Variants in SYT13 observed in about 807,000 individuals in gnomAD.
SYT13 encodes synaptotagmin-13.
A neutral mutation model predicts 38.6 loss-of-function variants in SYT13; 21 were observed. That is an observed-to-expected ratio of 0.54 (90% CI 0.39 to 0.78). The LOEUF (loss-of-function observed/expected upper bound fraction) is 0.78. Ranked by LOEUF, SYT13 falls within the 30% of genes least tolerant of loss-of-function variation. The pLI is 0.00. For missense variants in SYT13, 495 were observed against 548.7 expected (o/e 0.90, Z 0.98); for synonymous variants, 241 against 237.6 (o/e 1.01, Z -0.13).
Position 45,277,920 on chromosome 11 carries a change from G to C in SYT13, c.183+8105C>G, listed in dbSNP as rs148906300. On this transcript the variant is annotated intron_variant, in intron 1 of 5. Coordinates refer to ENST00000020926, the MANE Select transcript of SYT13 (RefSeq NM_020826.3). ...TTTGCCCCATTATACCATAAGCTTTGTGAGAGCTGAAGATGGGTCACTGTG... is the reference window on the plus strand; with the variant it reads ...TTTGCCCCATTATACCATAAGCTTTCTGAGAGCTGAAGATGGGTCACTGTG... Among the ~76,000 whole-genome samples, 374 of 152,270 alleles carry C rather than the reference G, an allele frequency of 2.5e-3. 2 individuals are homozygous for C. Among genetic ancestry groups the C allele is most frequent in the African/African-American group, 8.8e-3 (365 of 41,542 alleles).
rs1292692267 is a variant in SYT13, at chr11:45,244,330, G to C, written c.1003C>G (p.His335Asp). 3 of 1,613,594 alleles carry C rather than the reference G, an allele frequency of 1.9e-6. No homozygotes were observed. The Admixed American group carries it at 5.0e-5, about 27-fold the overall frequency. ...KDVSVKVTLK[H>D]QARKLKKKQT... The stretch of plus-strand genomic sequence containing the variant: ...TTCTTCTTCAGCTTCCGAGCCTGGT[G>C]CTTCAAGGTCACCTTGACAGAGACA... Residue 335 changes from histidine (H) to aspartate (D), a missense_variant, in exon 6 of 6, where the codon CAC (histidine) becomes GAC (aspartate). His to Asp is a moderately conservative substitution (Grantham distance 81, BLOSUM62 -1). Coordinates refer to ENST00000020926, the MANE Select transcript of SYT13 (RefSeq NM_020826.3).
intron 1 of SYT13, among the ~76,000 whole-genome samples, chr11:45,266,503 T>C (rs1590522961): frequency 1.4e-5 from 2 of 147,284 alleles, no homozygotes; most frequent in African/African-American, 2.5e-5. Flanking sequence ...CCCTCTCAAA[T>C]ACACACACAC....
chr11:45,243,857 T>C lies in SYT13; in HGVS notation c.*195A>G, dbSNP rs1051018816. The C allele has an allele frequency of 5.0e-6, 3 of 603,632 alleles. No homozygotes were observed. Among genetic ancestry groups the C allele is most frequent in the Non-Finnish European group, 5.7e-6 (2 of 348,428 alleles). The allele number at this position is 603,632 out of a possible 1,614,324, so 37.4% of individuals were successfully genotyped here. On this transcript the variant is annotated 3_prime_UTR_variant, in exon 6 of 6. Transcript: ENST00000020926. Reference sequence around the variant, plus strand: ...CAGATGAGCAAAATGCATTCCTCAGTGTGACCCGCATATTCCATTTCCTGC... The same window carrying C: ...CAGATGAGCAAAATGCATTCCTCAGCGTGACCCGCATATTCCATTTCCTGC...
At chr11:45,268,924 G>A (rs981838716) in intron 1 of SYT13, among the ~76,000 whole-genome samples, 5 of 152,142 alleles carry the variant, frequency 3.3e-5, no homozygotes, top group Admixed American at 6.6e-5. Flanking sequence ...CTACCCCGAC[G>A]CACAGTCTGT....
intron 3 of SYT13, 137 bp downstream of exon 3, chr11:45,254,133 C>T (rs1264348653): frequency 1.0e-6 from 1 of 958,418 alleles, no homozygotes; most frequent in Non-Finnish European, 1.4e-6. Context: ...TGTCTAAGCT[C>T]CATGTGTTCC....
At chr11:45,248,914 G>A (rs1369977535) in intron 4 of SYT13, among the ~76,000 whole-genome samples, 3 of 152,216 alleles carry the variant, frequency 2.0e-5, no homozygotes, top group Non-Finnish European at 2.9e-5. Context: ...AGTACCTGCA[G>A]ACTAAAGTAA....
At chr11:45,254,672 C>T in intron 2 of SYT13, 1 of 359,554 alleles carries the variant, frequency 2.8e-6, no homozygotes, top group South Asian at 7.7e-5. Flanking sequence ...TATGTTTTGT[C>T]TTTCTAAAAC....
chr11:45,279,919 G>T (rs1855052087), intron 1 of SYT13, among the ~76,000 whole-genome samples: 1 of 152,104 alleles, frequency 6.6e-6, no homozygotes, highest in Non-Finnish European at 1.5e-5. Context: ...AAAACAACCT[G>T]CACTGGAGAA....
chr11:45,275,966 C>A (rs763657664), intron 1 of SYT13, among the ~76,000 whole-genome samples: 1 of 152,170 alleles, frequency 6.6e-6, no homozygotes, highest in Non-Finnish European at 1.5e-5. Flanking sequence ...ATTCCTCTCA[C>A]GAGACTCATG....
chr11:45,282,776 T>C (rs971672432), intron 1 of SYT13, among the ~76,000 whole-genome samples: 13 of 152,186 alleles, frequency 8.5e-5, no homozygotes, highest in African/African-American at 2.7e-4. Flanking sequence ...AATGATGTCA[T>C]TTTTTTCCTA....
At chr11:45,265,881 G>A (rs1350380536) in intron 1 of SYT13, among the ~76,000 whole-genome samples, 1 of 152,190 alleles carries the variant, frequency 6.6e-6, no homozygotes, top group African/African-American at 2.4e-5. Flanking sequence ...TCTATGACAG[G>A]TGGAACTCAT....
intron 4 of SYT13, among the ~76,000 whole-genome samples, chr11:45,247,840 G>A (rs1359503039): frequency 6.6e-6 from 1 of 152,246 alleles, no homozygotes; most frequent in Non-Finnish European, 1.5e-5. Context: ...CAGAAAGGAA[G>A]TGATTAAATA....
intron 1 of SYT13, among the ~76,000 whole-genome samples, chr11:45,285,360 T>C (rs1306856672): frequency 6.6e-6 from 1 of 152,158 alleles, no homozygotes; most frequent in African/African-American, 2.4e-5. Context: ...TGCAGAGACA[T>C]CTTGGGGGAG....
At chr11:45,281,666 CA>C (rs747673327) in intron 1 of SYT13, among the ~76,000 whole-genome samples, 60,386 of 111,954 alleles carry the variant, frequency 0.54, 13,144 homozygotes, top group Non-Finnish European at 0.61. Context: ...GACTCTGCCT[CA>C]AAAAAAAAAA....
intron 1 of SYT13, among the ~76,000 whole-genome samples, chr11:45,270,673 T>C (rs887627171): frequency 6.6e-6 from 1 of 152,200 alleles, no homozygotes; most frequent in African/African-American, 2.4e-5. Context: ...GAGGTAAATC[T>C]ACAAAACCAT....
rs536667180 is a variant in SYT13, at chr11:45,241,137, G to A, written c.*2915C>T. The A allele has an allele frequency of 1.3e-5, 2 of 152,222 alleles. No individual in the cohort carries two copies. Among genetic ancestry groups the A allele is most frequent in the Non-Finnish European group, 2.9e-5 (2 of 68,028 alleles). 9.4% of individuals were successfully genotyped at this position (152,222 alleles called of 1,614,324 possible). A position where few individuals can be genotyped will look rare whatever the true frequency, so the allele number is the denominator to read the frequency against. ...CATTAGGCAAATAGTAATACTCATT[G>A]TCATGAATTTCTAGCTTGACTGCTA... On this transcript the variant is annotated 3_prime_UTR_variant, in exon 6 of 6. Coordinates refer to ENST00000020926, the MANE Select transcript of SYT13 (RefSeq NM_020826.3).
rs574067776 is a variant in SYT13 at position 45,255,872 on chromosome 11, G to A, written c.203C>T (p.Thr68Met). ...GAGGGCACGGGGCTGAACAGGTTCCGTGGACTTTTTAACATTGAACTGCAA... is the reference window on the plus strand; with the variant it reads ...GAGGGCACGGGGCTGAACAGGTTCCATGGACTTTTTAACATTGAACTGCAA... ...SAQQFNVKKS[T>M]EPVQPRALLK... The change falls in exon 2 of 6, where the codon ACG becomes ATG. Residue 68 changes from threonine to methionine, a missense_variant. Thr to Met is a moderately conservative substitution (Grantham distance 81). Coordinates refer to ENST00000020926, the MANE Select transcript of SYT13 (RefSeq NM_020826.3). The A allele has an allele frequency of 5.8e-5, 94 of 1,614,176 alleles. 1 individual carries two copies. The South Asian group carries it at 6.9e-4, about 12-fold the overall frequency.
At chr11:45,279,407 C>G (rs760788884) in intron 1 of SYT13, among the ~76,000 whole-genome samples, 1 of 152,092 alleles carries the variant, frequency 6.6e-6, no homozygotes, top group Non-Finnish European at 1.5e-5. Context: ...CATAGTGAGA[C>G]CCTCTCTACA....
At chr11:45,249,405 T>C (rs776971835) in intron 4 of SYT13, among the ~76,000 whole-genome samples, 7 of 152,242 alleles carry the variant, frequency 4.6e-5, no homozygotes, top group Admixed American at 2.0e-4. Flanking sequence ...ACTGGGTATA[T>C]ACCCAAAGGA....
Sources: allele counts gnomAD v4.1 joint callset (sites outside exome capture counted in the v4.1 genomes callset), GRCh38; gene constraint gnomAD v4.1.1; transcripts MANE v1.5; gene names NCBI Gene and HGNC (gene_info 2026-07-23, HGNC 2026-07-21).